ZCCHC7: variants seen among roughly 807,000 people sequenced by gnomAD.
The protein encoded by ZCCHC7 is zinc finger CCHC domain-containing protein 7.
In ZCCHC7, 35 loss-of-function variants were observed where a neutral mutation model predicts 52.0. The observed-to-expected ratio is 0.67, with a 90% confidence interval of 0.51 to 0.89. The LOEUF (loss-of-function observed/expected upper bound fraction) is 0.89. Among genes scored for constraint, ZCCHC7 ranks in the 40% least tolerant of loss-of-function variants. The pLI is 0.00. For synonymous variants in ZCCHC7, 217 were observed against 221.5 expected, an observed-to-expected ratio of 0.98 and a Z score of 0.18; for missense variants, 574 against 649.1, an observed-to-expected ratio of 0.88 and a Z score of 1.26.
intron 2 of ZCCHC7, among the ~76,000 whole-genome samples, 181 bp downstream of exon 2, chr9:37,127,123 C>T (rs777366451): frequency 2.0e-4 from 30 of 152,198 alleles, no homozygotes; most frequent in Admixed American, 1.5e-3. Context: ...TTTGTCTGAA[C>T]GTCAGAAAGA....
rs577071500 is a variant in ZCCHC7 at position 37,158,118 on chromosome 9, G to A, written c.610+31176G>A. ...TGATTATTTAATATCCTGTAGCATCGGTATGTTTTATAAAACAAATTGAGA... is the reference window on the plus strand; with the variant it reads ...TGATTATTTAATATCCTGTAGCATCAGTATGTTTTATAAAACAAATTGAGA... On this transcript the variant is annotated intron_variant, in intron 2 of 8. Coordinates refer to ENST00000336755, the MANE Select transcript of ZCCHC7 (RefSeq NM_032226.3). Among the ~76,000 whole-genome samples, 11 of 152,258 alleles carry A rather than the reference G, an allele frequency of 7.2e-5. No homozygotes were observed. In the East Asian group the frequency reaches 9.6e-4, roughly 13 times the overall value.
chr9:37,186,003 T>C (rs1822634482), intron 2 of ZCCHC7, among the ~76,000 whole-genome samples: 1 of 152,174 alleles, frequency 6.6e-6, no homozygotes, highest in African/African-American at 2.4e-5. Context: ...ACATATGTTA[T>C]ACTTTTTTTC....
At chr9:37,349,213 A>G (rs1821209557) in intron 6 of ZCCHC7, 144 bp from the exon 7 acceptor site, 1 of 653,578 alleles carries the variant, frequency 1.5e-6, no homozygotes, top group African/African-American at 1.8e-5. Flanking sequence ...ATACTTTAAT[A>G]TATGGAATCG....
intron 2 of ZCCHC7, among the ~76,000 whole-genome samples, chr9:37,155,470 CAAT>C (rs1820769575): frequency 6.6e-6 from 1 of 152,170 alleles, no homozygotes; most frequent in Admixed American, 6.5e-5. Flanking sequence ...TTACATTTGA[CAAT>C]AATTTTTTAA....
chr9:37,349,621 A>G (rs1821242532), intron 7 of ZCCHC7, among the ~76,000 whole-genome samples, 169 bp downstream of exon 7: 1 of 152,238 alleles, frequency 6.6e-6, no homozygotes. Context: ...CTAGAGTAAC[A>G]AGCTATCAGA....
intron 2 of ZCCHC7, among the ~76,000 whole-genome samples, chr9:37,248,475 CTT>C (rs1253884675): frequency 1.3e-5 from 2 of 152,192 alleles, no homozygotes; most frequent in African/African-American, 4.8e-5. Context: ...CTTTTATACT[CTT>C]TTAGACTCTA....
At chr9:37,129,788 C>T (rs1205899757) in intron 2 of ZCCHC7, among the ~76,000 whole-genome samples, 1 of 152,222 alleles carries the variant, frequency 6.6e-6, no homozygotes, top group Non-Finnish European at 1.5e-5. Flanking sequence ...TTTCCATACT[C>T]ATAAACCTGC....
intron 2 of ZCCHC7, among the ~76,000 whole-genome samples, chr9:37,183,188 T>C (rs1004287695): frequency 6.6e-6 from 1 of 152,236 alleles, no homozygotes; most frequent in Non-Finnish European, 1.5e-5. Context: ...GCTTATGCAA[T>C]GTTCATGTGC....
chr9:37,282,342 G>T (rs927162173), intron 2 of ZCCHC7, among the ~76,000 whole-genome samples: 1 of 152,046 alleles, frequency 6.6e-6, no homozygotes, highest in East Asian at 1.9e-4. Context: ...GGTGGCTCAC[G>T]CCTGTAATCC....
In ZCCHC7 at chr9:37,145,924, G is replaced by A. The variant is rs112515553; in HGVS notation, c.610+18982G>A. On this transcript the variant is annotated intron_variant, in intron 2 of 8. Coordinates refer to ENST00000336755, the MANE Select transcript of ZCCHC7 (RefSeq NM_032226.3). ...TGCTAGTGGATAATTATCTTGGACA[G>A]TAGGTCTTATATCTTGTTGAAGTGT... 6.6e-5 allele frequency among the ~76,000 whole-genome samples: 10 copies of A among 152,008 alleles called. 1 individual carries two copies. Among genetic ancestry groups the A allele is most frequent in the African/African-American group, 2.2e-4 (9 of 41,548 alleles).
intron 2 of ZCCHC7, among the ~76,000 whole-genome samples, chr9:37,266,461 G>T (rs1474224034): frequency 6.6e-6 from 1 of 151,630 alleles, no homozygotes; most frequent in African/African-American, 2.4e-5. Context: ...AATGCTTTAG[G>T]GTAAAACATT....
intron 2 of ZCCHC7, among the ~76,000 whole-genome samples, chr9:37,169,918 T>C (rs956365754): frequency 3.3e-5 from 5 of 152,024 alleles, no homozygotes; most frequent in South Asian, 2.1e-4. Context: ...ATACAAAAGA[T>C]AGGGCTTGGT....
chr9:37,304,657 G>GAAA (rs200820613), intron 4 of ZCCHC7, among the ~76,000 whole-genome samples: 1 of 140,022 alleles, frequency 7.1e-6, no homozygotes. Flanking sequence ...CTCTGTCTCA[G>GAAA]AAAAAAAAAA....
At chr9:37,293,414 CAGAT>C (rs1404361762) in intron 2 of ZCCHC7, among the ~76,000 whole-genome samples, 3 of 152,200 alleles carry the variant, frequency 2.0e-5, no homozygotes, top group African/African-American at 4.8e-5. Context: ...TAGCTATCAG[CAGAT>C]AGATAGAAAC....
chr9:37,331,319 A>C lies in ZCCHC7; in HGVS notation c.987+3485A>C, dbSNP rs1246832362. Among the ~76,000 whole-genome samples, 3 of 151,646 alleles carry C rather than the reference A, an allele frequency of 2.0e-5. No individual in the cohort carries two copies. In the East Asian group the frequency reaches 5.8e-4, roughly 29 times the overall value. Reference sequence around the variant, plus strand: ...ACAGTTTGTCAGGGTATATCTTATAAACCATAAGTAACAATATTACATTTC... The same window carrying C: ...ACAGTTTGTCAGGGTATATCTTATACACCATAAGTAACAATATTACATTTC... On this transcript the variant is annotated intron_variant, in intron 6 of 8. Coordinates refer to ENST00000336755, the MANE Select transcript of ZCCHC7 (RefSeq NM_032226.3).
intron 2 of ZCCHC7, among the ~76,000 whole-genome samples, chr9:37,233,853 GTTGTTT>G (rs772547221): frequency 7.2e-5 from 11 of 152,158 alleles, no homozygotes; most frequent in Admixed American, 5.9e-4. Context: ...TTTTTTGGTG[GTTGTTT>G]TTGTTTTGTT....
At chr9:37,332,324 A>G (rs1428708447) in intron 6 of ZCCHC7, among the ~76,000 whole-genome samples, 4 of 151,160 alleles carry the variant, frequency 2.6e-5, no homozygotes, top group African/African-American at 9.7e-5. Flanking sequence ...AGACTGGTTT[A>G]TCTTTTGAGT....
chr9:37,355,022 C>T (rs367739699), intron 8 of ZCCHC7, among the ~76,000 whole-genome samples, 198 bp downstream of exon 8: 4 of 152,182 alleles, frequency 2.6e-5, no homozygotes, highest in Non-Finnish European at 5.9e-5. Context: ...AATCTCCTCA[C>T]AGTAAACATT....
At chr9:37,327,765 A>G (rs376792017) in intron 5 of ZCCHC7, 34 bp from the exon 6 acceptor site, 2 of 1,612,402 alleles carry the variant, frequency 1.2e-6, no homozygotes, top group South Asian at 1.1e-5. Context: ...ACCTTGTTTC[A>G]TGCTCCCAGC....
Sources: allele counts gnomAD v4.1 joint callset (sites outside exome capture counted in the v4.1 genomes callset), GRCh38; gene constraint gnomAD v4.1.1; transcripts MANE v1.5; gene names NCBI Gene and HGNC (gene_info 2026-07-23, HGNC 2026-07-21).